Variants in COIL observed in about 807,000 individuals in gnomAD.
COIL encodes coilin p80.
A neutral mutation model predicts 51.6 loss-of-function variants in COIL; 28 were observed. The ratio of observed to expected loss-of-function variants is 0.54; its 90% CI spans 0.40 to 0.74. COIL has a LOEUF of 0.74. Among genes scored for constraint, COIL ranks in the 30% least tolerant of loss-of-function variants. The pLI, the probability that COIL is intolerant of heterozygous loss-of-function variation, is 0.00. For missense variants in COIL, 667 were observed against 685.9 expected (o/e 0.97, Z 0.31); for synonymous variants, 233 against 255.8 (o/e 0.91, Z 0.85).
chr17:56,951,089 A>G lies in COIL; in HGVS notation c.246-93T>C, dbSNP rs181466017. 23 of 1,196,154 alleles carry G rather than the reference A, an allele frequency of 1.9e-5. No homozygotes were observed. In the Admixed American group the frequency reaches 5.3e-4, roughly 28 times the overall value. The allele number at this position is 1,196,154 out of a possible 1,614,324, so 74.1% of individuals were successfully genotyped here. A position where few individuals can be genotyped will look rare whatever the true frequency, so the allele number is the denominator to read the frequency against. ...ATACTGAGATGACTCTACAAAATGT[A>G]ACTACCATCAGTCAATGAAAAAATG... On this transcript the variant is annotated intron_variant, in intron 1 of 6. Coordinates refer to ENST00000240316, the MANE Select transcript of COIL (RefSeq NM_004645.3).
rs184720830 is a variant in COIL, at chr17:56,950,241, G to A, written c.1001C>T (p.Pro334Leu). The A allele has an allele frequency of 2.3e-5, 37 of 1,614,170 alleles. No homozygotes were observed. Among genetic ancestry groups the A allele is most frequent in the South Asian group, 1.3e-4 (12 of 91,084 alleles). The change falls in exon 2 of 7, where the codon CCG becomes CTG. Residue 334 changes from proline to leucine, a missense_variant. Transcript: ENST00000240316. Reference sequence around the variant, plus strand: ...CTTTAAGAAACCCGCAGCACACTCCGGGGTGCTCGATGACATCAAGCATTG... The same window carrying A: ...CTTTAAGAAACCCGCAGCACACTCCAGGGTGCTCGATGACATCAAGCATTG... Reference protein sequence around the residue: ...DDQCLMSSSTPECAAGFLKTV... With the variant: ...DDQCLMSSSTLECAAGFLKTV...
In COIL at chr17:56,945,316, C is replaced by T. The variant is rs185422243; in HGVS notation, c.1558+1126G>A. Reference sequence around the variant, plus strand: ...TTGTGCCACCACACTCCAGCCTGGGCGATAGAGTGAGACTCTGTCAAAAAA... The same window carrying T: ...TTGTGCCACCACACTCCAGCCTGGGTGATAGAGTGAGACTCTGTCAAAAAA... On this transcript the variant is annotated intron_variant, in intron 5 of 6. Coordinates refer to ENST00000240316, the MANE Select transcript of COIL (RefSeq NM_004645.3). Among the ~76,000 whole-genome samples the T allele has an allele frequency of 4.0e-4, 60 of 151,758 alleles. 1 individual carries two copies. Among genetic ancestry groups the T allele is most frequent in the South Asian group, 2.9e-3 (14 of 4,808 alleles).
intron 1 of COIL, among the ~76,000 whole-genome samples, chr17:56,959,504 T>G (rs964878569): frequency 6.6e-6 from 1 of 152,110 alleles, no homozygotes; most frequent in Non-Finnish European, 1.5e-5. Context: ...TTTTTTAACT[T>G]CCAAAAGCAT....
chr17:56,960,860 C>G lies in COIL; in HGVS notation c.160G>C (p.Gly54Arg). 1 of 1,613,658 alleles carries G rather than the reference C, an allele frequency of 6.2e-7. No individual in the cohort carries two copies. Among genetic ancestry groups the G allele is most frequent in the Non-Finnish European group, 8.5e-7 (1 of 1,179,796 alleles). Residue 54 changes from glycine (G) to arginine (R), a missense_variant, in exon 1 of 7, where the codon GGG (glycine) becomes CGG (arginine). By Grantham distance (125) the Gly-to-Arg change is moderately radical (BLOSUM62 -2). Coordinates refer to ENST00000240316, the MANE Select transcript of COIL (RefSeq NM_004645.3). ...LIRQRFGFSS[G>R]AFLGLYLEGG... Reference sequence around the variant, plus strand: ...TCCAGGTAGAGGCCTAGGAAGGCCCCAGAACTGAAGCCGAAGCGCTGGCGG... The same window carrying G: ...TCCAGGTAGAGGCCTAGGAAGGCCCGAGAACTGAAGCCGAAGCGCTGGCGG...
At chr17:56,940,833 T>C (rs1385916146) in intron 6 of COIL, among the ~76,000 whole-genome samples, 2 of 152,156 alleles carry the variant, frequency 1.3e-5, no homozygotes, top group East Asian at 3.9e-4. Context: ...TAGGTCTGGC[T>C]GCTTAAAAAG....
chr17:56,955,167 C>T (rs1158692527), intron 1 of COIL, among the ~76,000 whole-genome samples: 2 of 152,128 alleles, frequency 1.3e-5, no homozygotes, highest in African/African-American at 2.4e-5. Flanking sequence ...TGGGTTCAAG[C>T]GATTCTCCTG....
chr17:56,960,988 A>G lies in COIL; in HGVS notation c.32T>C (p.Leu11Pro), dbSNP rs1761960576. MAASETVRLRLQFDYPPPATP... is the reference protein window; with the variant it reads MAASETVRLRPQFDYPPPATP... Reference sequence around the variant, plus strand: ...AGCTGGCGGCGGGTAATCAAATTGAAGCCGTAGCCTAACCGTCTCGGAAGC... The same window carrying G: ...AGCTGGCGGCGGGTAATCAAATTGAGGCCGTAGCCTAACCGTCTCGGAAGC... Residue 11 changes from leucine to proline, a missense_variant, in exon 1 of 7, where the codon CTT becomes CCT. Transcript: ENST00000240316. 3 of 1,613,624 alleles carry G rather than the reference A, an allele frequency of 1.9e-6. No individual in the cohort carries two copies. The highest frequency in any genetic ancestry group is 2.5e-6 in the Non-Finnish European group (3 of 1,179,830).
chr17:56,961,042 C>T lies in COIL; in HGVS notation c.-23G>A. 1 of 1,604,686 alleles carries T rather than the reference C, an allele frequency of 6.2e-7. No homozygotes were observed. Among genetic ancestry groups the T allele is most frequent in the Non-Finnish European group, 8.5e-7 (1 of 1,176,100 alleles). The stretch of plus-strand genomic sequence containing the variant: ...CATCTTGCTTGGTGCTCAACGGAAG[C>T]CGAGAGATACCACGGGGCCACCGAG... On this transcript the variant is annotated 5_prime_UTR_variant, in exon 1 of 7. Coordinates refer to ENST00000240316, the MANE Select transcript of COIL (RefSeq NM_004645.3).
Position 56,960,866 on chromosome 17 carries a change from T to A in COIL, c.154A>T (p.Ser52Cys). The A allele has an allele frequency of 6.2e-7, 1 of 1,613,830 alleles. No individual in the cohort carries two copies. The highest frequency in any genetic ancestry group is 8.5e-7 in the Non-Finnish European group (1 of 1,179,882). The change falls in exon 1 of 7, where the codon AGT becomes TGT. Residue 52 changes from serine (S) to cysteine (C), a missense_variant. Physicochemically the swap from Ser to Cys is moderately radical, Grantham distance 112 (BLOSUM62 -1). Coordinates refer to ENST00000240316, the MANE Select transcript of COIL (RefSeq NM_004645.3). ...TAGAGGCCTAGGAAGGCCCCAGAAC[T>A]GAAGCCGAAGCGCTGGCGGATGAGA... The part of the protein sequence containing the change: ...ISLIRQRFGF[S>C]SGAFLGLYLE...
At chr17:56,946,955 T>G (rs1211620803) in intron 4 of COIL, among the ~76,000 whole-genome samples, 1 of 152,192 alleles carries the variant, frequency 6.6e-6, no homozygotes, top group Non-Finnish European at 1.5e-5. Context: ...TTTAGAACCC[T>G]TCTAAAACAG....
chr17:56,960,743 C>A, intron 1 of COIL, 32 bp downstream of exon 1: 1 of 1,485,034 alleles, frequency 6.7e-7, no homozygotes, highest in Non-Finnish European at 8.9e-7. Flanking sequence ...GCCCGCCGCC[C>A]ACCCGGCCGT....
At position 56,939,148 on chromosome 17, in the gene COIL, C is replaced by T. The variant is rs1910098810; in HGVS notation, c.1654G>A (p.Val552Ile). ...GGGTCAATCAACTCTTTCCAAAATA[C>T]AGTGATCTGAGGAAAAAGACAAAAT... ...YAVTQESKIT[V>I]FWKELIDPRL... is the part of the protein sequence containing the mutation. Residue 552 changes from valine (V) to isoleucine (I), a missense_variant, in exon 7 of 7, where the codon GTA (valine) becomes ATA (isoleucine). By Grantham distance (29) the Val-to-Ile change is conservative. Coordinates refer to ENST00000240316, the MANE Select transcript of COIL (RefSeq NM_004645.3). 1 of 1,583,082 alleles carries T rather than the reference C, an allele frequency of 6.3e-7. No individual in the cohort carries two copies. The highest frequency in any genetic ancestry group is 8.7e-7 in the Non-Finnish European group (1 of 1,152,260).
chr17:56,940,713 T>C (rs1416424941), intron 6 of COIL, among the ~76,000 whole-genome samples: 1 of 152,154 alleles, frequency 6.6e-6, no homozygotes, highest in Non-Finnish European at 1.5e-5. Flanking sequence ...TACAGAATAA[T>C]ATCTATAACA....
chr17:56,950,736 G>A lies in COIL; in HGVS notation c.506C>T (p.Thr169Ile), dbSNP rs1199402936. The A allele has an allele frequency of 1.9e-6, 3 of 1,613,790 alleles. No homozygotes were observed. The highest frequency in any genetic ancestry group is 1.1e-5 in the South Asian group (1 of 91,058). The change falls in exon 2 of 7, where the codon ACC becomes ATC. Residue 169 changes from threonine (T) to isoleucine (I), a missense_variant. Thr to Ile is a moderately conservative substitution (Grantham distance 89, BLOSUM62 -1). Coordinates refer to ENST00000240316, the MANE Select transcript of COIL (RefSeq NM_004645.3). ...SKKNKRKNKA[T>I]CGTVGDDNEE... ...GTTATCATCACCCACTGTGCCACAG[G>A]TTGCTTTATTTTTTCTCTTGTTTTT...
At chr17:56,958,660 G>T (rs1453680990) in intron 1 of COIL, among the ~76,000 whole-genome samples, 1 of 150,510 alleles carries the variant, frequency 6.6e-6, no homozygotes, top group East Asian at 2.0e-4. Context: ...GTTAGCACAA[G>T]TTATTAACTC....
At chr17:56,946,313 G>A in intron 5 of COIL, 129 bp downstream of exon 5, 2 of 613,680 alleles carry the variant, frequency 3.3e-6, no homozygotes, top group South Asian at 5.0e-5. Context: ...GGGCTAAAGT[G>A]TGCTGAAAGA....
chr17:56,960,387 G>A lies in COIL; in HGVS notation c.245+388C>T, dbSNP rs566105004. ...AAAAATACAAAAATTAGCCGGGCGT[G>A]GTGGCGGACGCCTGTAGTCCCAGCT... On this transcript the variant is annotated intron_variant, in intron 1 of 6. Coordinates refer to ENST00000240316, the MANE Select transcript of COIL (RefSeq NM_004645.3). 3.3e-5 allele frequency among the ~76,000 whole-genome samples: 5 copies of A among 150,562 alleles called. No individual in the cohort carries two copies. In the South Asian group the frequency reaches 8.4e-4, roughly 25 times the overall value.
chr17:56,957,169 G>A (rs1910499066), intron 1 of COIL, among the ~76,000 whole-genome samples: 1 of 151,428 alleles, frequency 6.6e-6, no homozygotes, highest in South Asian at 2.1e-4. Context: ...GAGCCCTTGA[G>A]CTCAGGAGTT....
chr17:56,943,190 CTT>C (rs1268685853), intron 5 of COIL, among the ~76,000 whole-genome samples: 1 of 152,218 alleles, frequency 6.6e-6, no homozygotes, highest in African/African-American at 2.4e-5. Context: ...CTGTTATACT[CTT>C]TTCTAAGTTT....
Sources: allele counts gnomAD v4.1 joint callset (sites outside exome capture counted in the v4.1 genomes callset), GRCh38; gene constraint gnomAD v4.1.1; transcripts MANE v1.5; gene names NCBI Gene and HGNC (gene_info 2026-07-23, HGNC 2026-07-21).